The following RAB28 variants were observed in gnomAD, a reference collection of about 807,000 sequenced individuals.
The protein encoded by RAB28 is ras-related protein Rab-28.
In RAB28, 24 loss-of-function variants were observed where a neutral mutation model predicts 31.7. The ratio of observed to expected loss-of-function variants is 0.76; its 90% confidence interval spans 0.55 to 1.06. The LOEUF is 1.06. Ranked by LOEUF, RAB28 falls within the 50% of genes least tolerant of loss-of-function variation. The pLI is 0.00. For missense variants in RAB28, 254 were observed against 258.5 expected (o/e 0.98, Z 0.12); for synonymous variants, 100 against 90.4 (o/e 1.11, Z -0.60).
In RAB28 at chr4:13,367,984, T is replaced by G. The variant is rs1728572464; in HGVS notation, c.*574A>C. The G allele has an allele frequency of 1.0e-6, 1 of 969,564 alleles. No individual in the cohort carries two copies. Among genetic ancestry groups the G allele is most frequent in the South Asian group, 4.8e-5 (1 of 21,010 alleles). The allele number at this position is 969,564 out of a possible 1,614,324, so 60.1% of individuals were successfully genotyped here. On this transcript the variant is annotated 3_prime_UTR_variant, in exon 7 of 7. Transcript: ENST00000330852. ...GTTACAAACTACAATATAAACAATTTAGGCCCTTTTTTAAAAAATGAAAAA... is the reference window on the plus strand; with the variant it reads ...GTTACAAACTACAATATAAACAATTGAGGCCCTTTTTTAAAAAATGAAAAA...
chr4:13,425,562 C>T (rs1041906795), intron 4 of RAB28, among the ~76,000 whole-genome samples: 6 of 152,072 alleles, frequency 3.9e-5, no homozygotes. Flanking sequence ...CATGCATACA[C>T]ACACATATGT....
At chr4:13,420,981 G>A (rs1288566282) in intron 4 of RAB28, among the ~76,000 whole-genome samples, 2 of 152,194 alleles carry the variant, frequency 1.3e-5, no homozygotes, top group Admixed American at 1.3e-4. Flanking sequence ...GTTTGCAGAT[G>A]ACATGATTGT....
At chr4:13,472,596 G>A (rs899143332) in intron 3 of RAB28, among the ~76,000 whole-genome samples, 6 of 151,712 alleles carry the variant, frequency 4.0e-5, no homozygotes, top group African/African-American at 9.7e-5. Context: ...AATCATAAAA[G>A]ACTATTCTAT....
intron 4 of RAB28, among the ~76,000 whole-genome samples, chr4:13,421,641 A>T (rs890092459): frequency 6.6e-6 from 1 of 152,236 alleles, no homozygotes; most frequent in Non-Finnish European, 1.5e-5. Flanking sequence ...TGTCAAAAAC[A>T]AGAAATGGGG....
chr4:13,392,840 C>T (rs146561022), intron 4 of RAB28, among the ~76,000 whole-genome samples: 16 of 152,246 alleles, frequency 1.1e-4, no homozygotes, highest in Non-Finnish European at 1.8e-4. Flanking sequence ...TATTTAAAAA[C>T]ATAATGCTGT....
chr4:13,369,523 T>C (rs1270258740), intron 6 of RAB28, among the ~76,000 whole-genome samples: 2 of 152,138 alleles, frequency 1.3e-5, no homozygotes, highest in Admixed American at 6.6e-5. Context: ...ATTTTAAAAA[T>C]ACTCTTTCAA....
chr4:13,472,850 A>AAATAAAT (rs1716182559), intron 3 of RAB28, among the ~76,000 whole-genome samples: 2 of 66,336 alleles, frequency 3.0e-5, no homozygotes, highest in African/African-American at 7.7e-5. Flanking sequence ...AATAAATAAA[A>AAATAAAT]CAAAAAAGCC....
chr4:13,404,420 G>C (rs1711953789), intron 4 of RAB28, among the ~76,000 whole-genome samples: 1 of 151,936 alleles, frequency 6.6e-6, no homozygotes, highest in African/African-American at 2.4e-5. Context: ...ATCTACTTAA[G>C]GAAAAGTTAC....
At chr4:13,422,565 C>T (rs1299689494) in intron 4 of RAB28, among the ~76,000 whole-genome samples, 1 of 152,116 alleles carries the variant, frequency 6.6e-6, no homozygotes, top group Non-Finnish European at 1.5e-5. Context: ...AAATACTATG[C>T]AGCCATAAAA....
chr4:13,469,942 T>C (rs1391856149), intron 3 of RAB28, among the ~76,000 whole-genome samples: 1 of 152,040 alleles, frequency 6.6e-6, no homozygotes, highest in African/African-American at 2.4e-5. Flanking sequence ...TGGCCTACCT[T>C]GGCCCTCTAA....
In RAB28 at chr4:13,473,469, T is replaced by G. The variant is rs575247358; in HGVS notation, c.261+849A>C. ...CTTAATATTCGGCTATATACCATAT[T>G]CTCTACTTCATCAGATGATTACTTT... On this transcript the variant is annotated intron_variant, in intron 3 of 6. Coordinates refer to ENST00000330852, the MANE Select transcript of RAB28 (RefSeq NM_001017979.3). 3.9e-5 allele frequency among the ~76,000 whole-genome samples: 6 copies of G among 152,030 alleles called. No homozygotes were observed. In the East Asian group the frequency reaches 1.2e-3, roughly 29 times the overall value.
intron 4 of RAB28, among the ~76,000 whole-genome samples, chr4:13,430,534 C>T (rs139183262): frequency 7.2e-4 from 110 of 152,258 alleles, no homozygotes; most frequent in Middle Eastern, 3.4e-3. Flanking sequence ...CTATTGGTGG[C>T]GATTTGAGTA....
intron 4 of RAB28, among the ~76,000 whole-genome samples, chr4:13,401,432 G>A (rs544269342): frequency 4.6e-5 from 7 of 152,178 alleles, no homozygotes; most frequent in South Asian, 4.1e-4. Flanking sequence ...TGTAGGTGAC[G>A]GGTTGATGGG....
In RAB28 at chr4:13,428,048, G is replaced by T. The variant is rs537409551; in HGVS notation, c.391+32651C>A. ...TGAGCAAGCAGGGGGTACATAACTG[G>T]GGGCTGCATGCATCAGTAATCAGAA... On this transcript the variant is annotated intron_variant, in intron 4 of 6. Coordinates refer to ENST00000330852, the MANE Select transcript of RAB28 (RefSeq NM_001017979.3). Among the ~76,000 whole-genome samples, 8 of 152,248 alleles carry T rather than the reference G, an allele frequency of 5.3e-5. No homozygotes were observed. In the South Asian group the frequency reaches 1.7e-3, roughly 32 times the overall value.
At chr4:13,397,950 C>G (rs1297858688) in intron 4 of RAB28, among the ~76,000 whole-genome samples, 2 of 151,926 alleles carry the variant, frequency 1.3e-5, no homozygotes, top group Non-Finnish European at 2.9e-5. Flanking sequence ...CTTCATAACT[C>G]CAAAGAGTCA....
chr4:13,481,197 C>T (rs1207790139), intron 1 of RAB28, among the ~76,000 whole-genome samples: 1 of 151,898 alleles, frequency 6.6e-6, no homozygotes, highest in East Asian at 1.9e-4. Context: ...TTTTGAAAGC[C>T]CTGCTTTCAC....
chr4:13,422,144 TG>T (rs1713192868), intron 4 of RAB28, among the ~76,000 whole-genome samples: 1 of 151,068 alleles, frequency 6.6e-6, no homozygotes, highest in South Asian at 2.1e-4. Flanking sequence ...AGCAGACACA[TG>T]AAAAAATGCT....
intron 4 of RAB28, among the ~76,000 whole-genome samples, chr4:13,402,144 T>A (rs1364223720): frequency 6.6e-6 from 1 of 152,246 alleles, no homozygotes; most frequent in Non-Finnish European, 1.5e-5. Context: ...TAATGTTCTT[T>A]TTATATGGAA....
chr4:13,380,045 G>T (rs2108881204), intron 5 of RAB28, among the ~76,000 whole-genome samples: 1 of 152,084 alleles, frequency 6.6e-6, no homozygotes, highest in East Asian at 1.9e-4. Flanking sequence ...TTCTGAAATG[G>T]CAAAAAAAGC....
Sources: gnomAD v4.1 joint callset for allele counts (sites outside exome capture counted in the v4.1 genomes callset) on GRCh38, gnomAD v4.1.1 for gene constraint, MANE v1.5 for transcripts, NCBI Gene and HGNC (gene_info 2026-07-23, HGNC 2026-07-21) for gene names.